The following STX11 variants were observed in gnomAD, a reference collection of about 807,000 sequenced individuals.
STX11 encodes syntaxin 11.
Under a neutral mutation model 19.9 loss-of-function variants are expected in STX11, and 21 were observed. That is an observed-to-expected ratio of 1.06 (90% CI 0.75 to 1.52). The LOEUF is 1.52. Ranked by LOEUF, STX11 falls within the 40% of genes most tolerant of loss-of-function variation. The pLI, the probability that STX11 is intolerant of heterozygous loss-of-function variation, is 0.00. For missense variants in STX11, 438 were observed against 405.9 expected (o/e 1.08, Z -0.68); for synonymous variants, 193 against 174.4 (o/e 1.11, Z -0.84).
chr6:144,157,064 G>A (rs996287509), intron 1 of STX11, among the ~76,000 whole-genome samples: 3 of 152,200 alleles, frequency 2.0e-5, no homozygotes, highest in African/African-American at 4.8e-5. Context: ...ACTGAAAGGC[G>A]CAAGTTCAGT....
Position 144,187,433 on chromosome 6 carries a change from A to G in STX11, c.806A>G (p.Tyr269Cys). The G allele has an allele frequency of 6.2e-7, 1 of 1,612,124 alleles. No individual in the cohort carries two copies. The highest frequency in any genetic ancestry group is 8.5e-7 in the Non-Finnish European group (1 of 1,179,976). Residue 269 changes from tyrosine (Y) to cysteine (C), a missense_variant, in exon 2 of 2, where the codon TAC (tyrosine) becomes TGC (cysteine). Coordinates refer to ENST00000367568, the MANE Select transcript of STX11 (RefSeq NM_003764.4). The surrounding 1 kb of genome is among the most constrained non-coding windows in gnomAD (Gnocchi z 5.6). ...AKAQVRKAVQ[Y>C]EEKNPCRTLC... ...GCGCAGGTGCGGAAGGCCGTGCAGT[A>G]CGAGGAGAAGAACCCCTGCCGGACC...
intron 1 of STX11, among the ~76,000 whole-genome samples, chr6:144,171,091 T>G (rs1015183852): frequency 1.6e-4 from 25 of 152,198 alleles, no homozygotes; most frequent in Non-Finnish European, 2.6e-4. Flanking sequence ...CTGAGAACCC[T>G]GAAACCAGTG....
At chr6:144,158,955 C>A (rs1372362857) in intron 1 of STX11, among the ~76,000 whole-genome samples, 2 of 152,188 alleles carry the variant, frequency 1.3e-5, no homozygotes, top group Non-Finnish European at 2.9e-5. Flanking sequence ...CCTTTTAAAC[C>A]TTTTAGGATC....
upstream of STX11, among the ~76,000 whole-genome samples, chr6:144,148,580 A>T (rs1007680354): frequency 1.3e-5 from 2 of 152,122 alleles, no homozygotes; most frequent in African/African-American, 4.8e-5. Flanking sequence ...ATTCCTCACA[A>T]CTAATTAATC....
chr6:144,165,899 G>A lies in STX11; in HGVS notation c.-6+15196G>A, dbSNP rs1801465190. Among the ~76,000 whole-genome samples, 1 of 152,210 alleles carries A rather than the reference G, an allele frequency of 6.6e-6. No homozygotes were observed. Among genetic ancestry groups the A allele is most frequent in the Non-Finnish European group, 1.5e-5 (1 of 68,046 alleles). ...GTAGAGTTATTACCATTTTACAGAT[G>A]AGGAAATGACAGATGTTAATTGTCT... On this transcript the variant is annotated intron_variant, in intron 1 of 1. Coordinates refer to ENST00000367568, the MANE Select transcript of STX11 (RefSeq NM_003764.4). The surrounding 1 kb of genome is among the most constrained non-coding windows in gnomAD (Gnocchi z 5.8).
chr6:144,148,333 T>C (rs1470448361), upstream of STX11, among the ~76,000 whole-genome samples: 2 of 152,220 alleles, frequency 1.3e-5, no homozygotes, highest in Non-Finnish European at 2.9e-5. Context: ...AGGCTTGAAA[T>C]GATCTTAATC....
chr6:144,179,753 A>G (rs372594482), intron 1 of STX11, among the ~76,000 whole-genome samples: 1 of 152,238 alleles, frequency 6.6e-6, no homozygotes, highest in African/African-American at 2.4e-5. Context: ...AAGATACTAT[A>G]TAAGCCCAAC....
chr6:144,140,404 G>A, the STX11 span, among the ~76,000 whole-genome samples: 2 of 151,258 alleles, frequency 1.3e-5, no homozygotes, highest in Admixed American at 6.6e-5. Context: ...ACAGGCGCAC[G>A]CCACCACGCC....
At chr6:144,186,558 AATCCC>A (rs1802040209) in intron 1 of STX11, 60 bp from the exon 2 acceptor site, 1 of 1,608,450 alleles carries the variant, frequency 6.2e-7, no homozygotes, top group Non-Finnish European at 8.5e-7. Context: ...TTTAAGTTTC[AATCCC>A]TTGAAGGCAA....
intron 1 of STX11, among the ~76,000 whole-genome samples, chr6:144,171,932 G>A (rs1333629461): frequency 6.6e-6 from 1 of 152,092 alleles, no homozygotes; most frequent in Non-Finnish European, 1.5e-5. Context: ...CACAATTATT[G>A]GATAGGTGAC....
chr6:144,140,235 TATATATATATATATATATATTTATTTA>T, the STX11 span, among the ~76,000 whole-genome samples: 1 of 50,904 alleles, frequency 2.0e-5, no homozygotes, highest in African/African-American at 1.2e-4. Context: ...TATATATATA[TATATATATATATATATATATTTATTTA>T]TTTATTTTTT....
Position 144,169,719 on chromosome 6 carries a change from T to G in STX11, c.-5-16904T>G, listed in dbSNP as rs188760105. On this transcript the variant is annotated intron_variant, in intron 1 of 1. Coordinates refer to ENST00000367568, the MANE Select transcript of STX11 (RefSeq NM_003764.4). This position sits in a 1 kb window ranked among gnomAD's most constrained non-coding sequence, Gnocchi z 5.2. ...TTCCTTCCTACCTATGAGGTCTTGC[T>G]CTGTCACCCAGGCTGGAGTGCAGTG... Among the ~76,000 whole-genome samples the G allele has an allele frequency of 2.4e-3, 353 of 145,116 alleles. 2 individuals are homozygous for G. The highest frequency in any genetic ancestry group is 8.5e-3 in the African/African-American group (340 of 40,026).
chr6:144,173,773 C>G (rs1002260766), intron 1 of STX11, among the ~76,000 whole-genome samples: 1 of 152,204 alleles, frequency 6.6e-6, no homozygotes, highest in Non-Finnish European at 1.5e-5. Flanking sequence ...TGACTGCTCT[C>G]GCAGTTTCCT....
chr6:144,165,577 A>T lies in STX11; in HGVS notation c.-6+14874A>T, dbSNP rs372702728. On this transcript the variant is annotated intron_variant, in intron 1 of 1. Coordinates refer to ENST00000367568, the MANE Select transcript of STX11 (RefSeq NM_003764.4). This position sits in a 1 kb window ranked among gnomAD's most constrained non-coding sequence, Gnocchi z 5.8. ...TCTTGTCTTCCTGAAGTTTGAGCTG[A>T]ATAGAGCATTAATATGCTGTAACTT... Among the ~76,000 whole-genome samples the T allele has an allele frequency of 6.6e-6, 1 of 152,244 alleles. No individual in the cohort carries two copies. The highest frequency in any genetic ancestry group is 2.4e-5 in the African/African-American group (1 of 41,470).
In STX11 at chr6:144,180,675, T is replaced by C. The variant is rs111816902; in HGVS notation, c.-5-5948T>C. 4.7e-3 allele frequency among the ~76,000 whole-genome samples: 714 copies of C among 152,322 alleles called. 25 individuals carry two copies. In the East Asian group the frequency reaches 0.08, roughly 17 times the overall value. Reference sequence around the variant, plus strand: ...AACCTCTTTTCTTCCCAGTCTTGGGTATGTCTTTATCAGCAGTGTGAAAAT... The same window carrying C: ...AACCTCTTTTCTTCCCAGTCTTGGGCATGTCTTTATCAGCAGTGTGAAAAT... On this transcript the variant is annotated intron_variant, in intron 1 of 1. Transcript: ENST00000367568. This position sits in a 1 kb window ranked among gnomAD's most constrained non-coding sequence, Gnocchi z 5.3.
chr6:144,150,468 C>A, upstream of STX11: 1 of 982,954 alleles, frequency 1.0e-6, no homozygotes, highest in Non-Finnish European at 1.2e-6. Context: ...GGGCCTGGTC[C>A]CCAGCTGTGG....
In STX11 at chr6:144,183,407, T is replaced by A. The variant is rs6913780; in HGVS notation, c.-5-3216T>A. On this transcript the variant is annotated intron_variant, in intron 1 of 1. Coordinates refer to ENST00000367568, the MANE Select transcript of STX11 (RefSeq NM_003764.4). This position sits in a 1 kb window ranked among gnomAD's most constrained non-coding sequence, Gnocchi z 4.6. ...AAACAAGGTGGTGATGAAAATATTT[T>A]GAGCAATGAGTTTCATACACTTTTG... Among the ~76,000 whole-genome samples the A allele has an allele frequency of 0.55, 84,434 of 152,142 alleles. 26,201 individuals carry two copies. Among genetic ancestry groups the A allele is most frequent in the African/African-American group, 0.85 (35,217 of 41,514 alleles).
At position 144,155,992 on chromosome 6, in the gene STX11, TTC is replaced by T. The variant is rs1406516841; in HGVS notation, c.-6+5291_-6+5292del. Among the ~76,000 whole-genome samples, 56 of 130,922 alleles carry T rather than the reference TTC, an allele frequency of 4.3e-4. 1 individual carries two copies. Among genetic ancestry groups the T allele is most frequent in the African/African-American group, 2.0e-3 (53 of 26,176 alleles). 85.9% of individuals were successfully genotyped at this position (130,922 alleles called of 152,430 possible). ...TTTCTTTCTTTCTTTCTTTCTTTCT[TTC>T]TTTCTTTCTTTCTTTCTTTCTCTCT... On this transcript the variant is annotated intron_variant, in intron 1 of 1. Coordinates refer to ENST00000367568, the MANE Select transcript of STX11 (RefSeq NM_003764.4). This position sits in a 1 kb window ranked among gnomAD's most constrained non-coding sequence, Gnocchi z 4.5.
chr6:144,147,159 T>C (rs1584001514), upstream of STX11, among the ~76,000 whole-genome samples: 3 of 148,450 alleles, frequency 2.0e-5, no homozygotes, highest in East Asian at 5.9e-4. The surrounding 1 kb of genome is among the most constrained non-coding windows in gnomAD (Gnocchi z 4.2). Context: ...ATGTATAGCT[T>C]CTAATTAAAA....
Sources: allele counts gnomAD v4.1 joint callset (sites outside exome capture counted in the v4.1 genomes callset), GRCh38; gene constraint gnomAD v4.1.1; non-coding constraint Gnocchi (gnomAD v3.1); transcripts MANE v1.5; gene names NCBI Gene and HGNC (gene_info 2026-07-23, HGNC 2026-07-21).